The following MGST1 variants were observed in gnomAD, a reference collection of about 807,000 sequenced individuals.
MGST1 encodes glutathione S-transferase 12.
In MGST1, 5 loss-of-function variants were observed where a neutral mutation model predicts 8.9. The ratio of observed to expected loss-of-function variants is 0.56; its 90% confidence interval spans 0.29 to 1.19. MGST1 has a LOEUF of 1.19. Ranked by LOEUF, MGST1 falls within the 50% of genes most tolerant of loss-of-function variation. MGST1 has a pLI of 0.08. For synonymous variants in MGST1, 54 were observed against 67.8 expected, an observed-to-expected ratio of 0.80 and a Z score of 1.00; for missense variants, 182 against 187.4, an observed-to-expected ratio of 0.97 and a Z score of 0.17.
At chr12:16,441,267 C>T (rs1941036728), downstream of MGST1, among the ~76,000 whole-genome samples, 1 of 151,766 alleles carries the variant, frequency 6.6e-6, no homozygotes. Context: ...CCAGGCATAA[C>T]CTCCTCTGCT....
intron 1 of MGST1, among the ~76,000 whole-genome samples, chr12:16,418,076 A>T (rs754915333): frequency 2.6e-5 from 4 of 152,140 alleles, no homozygotes; most frequent in Non-Finnish European, 5.9e-5. Context: ...TCTCTTCATG[A>T]GGAAAATAAA....
Position 16,393,707 on chromosome 12 carries a change from G to A in MGST1, n.778+10103G>A, listed in dbSNP as rs11056917. 2.2e-3 allele frequency among the ~76,000 whole-genome samples: 341 copies of A among 152,248 alleles called. 4 individuals carry two copies. In the East Asian group the frequency reaches 0.046, roughly 21 times the overall value. On this transcript the variant is annotated intron_variant and non_coding_transcript_variant, in intron 1 of 1. Coordinates refer to the MGST1 transcript ENST00000359720. The stretch of plus-strand genomic sequence containing the variant: ...TCTAACAGTGCACTAAGCCTGTTGC[G>A]CTCATTATGTTACCCACACTATTTT...
intron 1 of MGST1, among the ~76,000 whole-genome samples, chr12:16,432,731 C>CACACAGAG (rs775306657): frequency 1.5e-5 from 2 of 132,672 alleles, no homozygotes; most frequent in Non-Finnish European, 3.2e-5. Flanking sequence ...CACACACACA[C>CACACAGAG]AGAGAGAGAG....
intron 1 of MGST1, among the ~76,000 whole-genome samples, chr12:16,426,132 A>T (rs718481): frequency 1.3e-5 from 2 of 151,966 alleles, no homozygotes; most frequent in African/African-American, 2.4e-5. Context: ...TGCTCAACAA[A>T]ATGTCTCATT....
In MGST1 at chr12:16,496,394, C is replaced by T. The variant is rs76557674; in HGVS notation, n.483-93134C>T. Among the ~76,000 whole-genome samples the T allele has an allele frequency of 4.2e-3, 645 of 151,842 alleles. 8 individuals are homozygous for T. Among genetic ancestry groups the T allele is most frequent in the Middle Eastern group, 0.034 (10 of 294 alleles). On this transcript the variant is annotated intron_variant and non_coding_transcript_variant, in intron 4 of 4. Transcript: ENST00000538857. ...AATCTTTAAAATATAACGCTGGGTG[C>T]GAAGATAAGAACAGTAAACTATAAC...
At chr12:16,376,020 A>G (rs1940373460) in intron 3 of MGST1, 13 of 774,668 alleles carry the variant, frequency 1.7e-5, no homozygotes, top group Non-Finnish European at 2.4e-5. Flanking sequence ...ATATGTACAC[A>G]CACAGATTTT....
chr12:16,573,300 T>C (rs1942882605), intron 4 of MGST1, among the ~76,000 whole-genome samples: 1 of 152,110 alleles, frequency 6.6e-6, no homozygotes, highest in African/African-American at 2.4e-5. Context: ...TCAGATATAG[T>C]TGAAACAAAA....
chr12:16,422,984 C>T (rs1940851451), intron 1 of MGST1, among the ~76,000 whole-genome samples: 1 of 152,134 alleles, frequency 6.6e-6, no homozygotes, highest in Admixed American at 6.6e-5. Context: ...ACTCTCCAAT[C>T]TCCAGTACTC....
At chr12:16,435,602 CA>C (rs1223615792) in intron 1 of MGST1, among the ~76,000 whole-genome samples, 2 of 151,850 alleles carry the variant, frequency 1.3e-5, no homozygotes, top group Admixed American at 1.3e-4. Context: ...CAACATTCAG[CA>C]AATATTTATT....
At chr12:16,551,699 G>A (rs1181750900) in intron 4 of MGST1, among the ~76,000 whole-genome samples, 1 of 151,680 alleles carries the variant, frequency 6.6e-6, no homozygotes, top group Non-Finnish European at 1.5e-5. Context: ...TTTCACTGCA[G>A]TAATTATGGA....
At position 16,585,635 on chromosome 12, in the gene MGST1, T is replaced by TC; in HGVS notation, n.483-3891dup. On this transcript the variant is annotated intron_variant and non_coding_transcript_variant, in intron 4 of 4. Coordinates refer to the MGST1 transcript ENST00000538857. The surrounding 1 kb of genome is among the most constrained non-coding windows in gnomAD (Gnocchi z 4.7). Reference sequence around the variant, plus strand: ...CACCTGTATTTTCTTTCCGTTGAAGTCCACCCATTCCAATTATTTAAGTGA... The same window carrying TC: ...CACCTGTATTTTCTTTCCGTTGAAGTCCCACCCATTCCAATTATTTAAGTGA... Among the ~76,000 whole-genome samples, 1 of 152,288 alleles carries TC rather than the reference T, an allele frequency of 6.6e-6. No homozygotes were observed. Among genetic ancestry groups the TC allele is most frequent in the African/African-American group, 2.4e-5 (1 of 41,562 alleles).
rs184555961 is a variant in MGST1 at position 16,393,957 on chromosome 12, A to G, written n.778+10353A>G. 1.3e-3 allele frequency among the ~76,000 whole-genome samples: 193 copies of G among 152,342 alleles called. 1 individual carries two copies. Among genetic ancestry groups the G allele is most frequent in the African/African-American group, 4.4e-3 (182 of 41,588 alleles). Reference sequence around the variant, plus strand: ...ATTTAGGCTGCTTCTAGTTTTTGCTATTATAAATAATGCTGGCACGAACAT... The same window carrying G: ...ATTTAGGCTGCTTCTAGTTTTTGCTGTTATAAATAATGCTGGCACGAACAT... On this transcript the variant is annotated intron_variant and non_coding_transcript_variant, in intron 1 of 1. Coordinates refer to the MGST1 transcript ENST00000359720.
intron 4 of MGST1, among the ~76,000 whole-genome samples, chr12:16,475,793 G>A (rs1196412454): frequency 6.6e-6 from 1 of 152,058 alleles, no homozygotes; most frequent in Non-Finnish European, 1.5e-5. Context: ...CTTCCCAGGT[G>A]GCTGATGAAT....
intron 1 of MGST1, among the ~76,000 whole-genome samples, chr12:16,435,898 A>G (rs950280965): frequency 1.3e-5 from 2 of 151,892 alleles, no homozygotes; most frequent in Non-Finnish European, 2.9e-5. Flanking sequence ...TTGGTTTTTC[A>G]ATAGCCCTTG....
chr12:16,388,904 C>A (rs554753591), intron 1 of MGST1, among the ~76,000 whole-genome samples: 1 of 152,264 alleles, frequency 6.6e-6, no homozygotes, highest in African/African-American at 2.4e-5. Flanking sequence ...CAGGCCTGGA[C>A]CTTCCACTGA....
At chr12:16,538,640 G>A (rs867184953) in intron 4 of MGST1, among the ~76,000 whole-genome samples, 3 of 141,946 alleles carry the variant, frequency 2.1e-5, no homozygotes, top group African/African-American at 8.0e-5. Context: ...ACAGAGTCTC[G>A]CTCTGTCACC....
At chr12:16,561,633 T>C (rs1218435139) in intron 4 of MGST1, among the ~76,000 whole-genome samples, 2 of 152,366 alleles carry the variant, frequency 1.3e-5, no homozygotes, top group East Asian at 3.9e-4. Context: ...GGCACAAATG[T>C]GCTGAAGTCT....
chr12:16,542,803 A>G (rs542231821), intron 4 of MGST1, among the ~76,000 whole-genome samples: 2 of 152,282 alleles, frequency 1.3e-5, no homozygotes, highest in African/African-American at 4.8e-5. Flanking sequence ...TAGTTATGCT[A>G]TATATCTGTT....
intron 4 of MGST1, among the ~76,000 whole-genome samples, chr12:16,491,130 A>AT (rs1192016875): frequency 6.6e-6 from 1 of 152,160 alleles, no homozygotes; most frequent in Admixed American, 6.6e-5. Flanking sequence ...TAGGGGTATA[A>AT]TTATTTTGAA....
Sources: gnomAD v4.1 joint callset for allele counts (sites outside exome capture counted in the v4.1 genomes callset) on GRCh38, gnomAD v4.1.1 for gene constraint, Gnocchi (gnomAD v3.1) non-coding constraint, MANE v1.5 for transcripts, NCBI Gene and HGNC (gene_info 2026-07-23, HGNC 2026-07-21) for gene names.